Variants in SLC43A1 observed in about 807,000 individuals in gnomAD.
SLC43A1 encodes solute carrier family 43 member 1, also known as large neutral amino acids transporter small subunit 3.
In SLC43A1, 31 loss-of-function variants were observed where a neutral mutation model predicts 59.5. That is an observed-to-expected ratio of 0.52 (90% CI 0.39 to 0.70). The LOEUF is 0.70. SLC43A1 is among the 30% of genes least tolerant of loss of function. The pLI is 0.00. For missense variants in SLC43A1, 598 were observed against 717.8 expected (o/e 0.83, Z 1.91); for synonymous variants, 259 against 290.9 (o/e 0.89, Z 1.12).
At chr11:57,509,729 G>A (rs1178042097) in intron 2 of SLC43A1, among the ~76,000 whole-genome samples, 1 of 150,510 alleles carries the variant, frequency 6.6e-6, no homozygotes, top group Non-Finnish European at 1.5e-5. Context: ...AAAGAAGGAA[G>A]GAAGGAAGGA....
intron 6 of SLC43A1, 85 bp from the exon 7 acceptor site, chr11:57,496,249 A>G: frequency 2.7e-6 from 4 of 1,489,518 alleles, no homozygotes; most frequent in Non-Finnish European, 3.6e-6. Context: ...AGAGGCCTTA[A>G]AGAAGTTCTC....
intron 7 of SLC43A1, among the ~76,000 whole-genome samples, chr11:57,495,824 T>TAAAC (rs1014196952): frequency 1.3e-5 from 2 of 150,952 alleles, no homozygotes; most frequent in East Asian, 2.0e-4. Flanking sequence ...ACACTGCCTC[T>TAAAC]AAACAAACAA....
Position 57,501,276 on chromosome 11 carries a change from C to T in SLC43A1, c.208G>A (p.Asp70Asn). Residue 70 changes from aspartate to asparagine, a missense_variant, in exon 3 of 15, where the codon GAC (aspartate) becomes AAC (asparagine). Coordinates refer to ENST00000278426, the MANE Select transcript of SLC43A1 (RefSeq NM_003627.6). ...QDEQRRWPGC[D>N]QQDEMLNLGF... ...AGGTTGAGCATCTCGTCCTGCTGGT[C>T]ACAGCCTGGCCACCTGCGCTGCTCA... is the stretch of plus-strand genomic sequence containing the variant. 1 of 1,612,086 alleles carries T rather than the reference C, an allele frequency of 6.2e-7. No individual in the cohort carries two copies. Among genetic ancestry groups the T allele is most frequent in the Non-Finnish European group, 8.5e-7 (1 of 1,180,028 alleles).
At chr11:57,501,420 A>G (rs1590768263) in intron 2 of SLC43A1, 91 bp from the exon 3 acceptor site, 2 of 1,380,082 alleles carry the variant, frequency 1.4e-6, no homozygotes, top group South Asian at 1.2e-5. Flanking sequence ...CCTGCTTTCA[A>G]ATCCCATGCC....
intron 8 of SLC43A1, among the ~76,000 whole-genome samples, chr11:57,492,567 TATATATAAAA>T (rs1401978814): frequency 8.2e-5 from 2 of 24,258 alleles, no homozygotes; most frequent in South Asian, 1.3e-3. Flanking sequence ...TATATATATA[TATATATAAAA>T]AAATAAGCCA....
At chr11:57,512,301 C>A (rs1230120174) in intron 2 of SLC43A1, among the ~76,000 whole-genome samples, 1 of 152,014 alleles carries the variant, frequency 6.6e-6, no homozygotes, top group African/African-American at 2.4e-5. Context: ...AGAAGTTACA[C>A]AAGGGGTAGG....
chr11:57,491,910 CCT>C (rs1169590118), intron 8 of SLC43A1, 48 bp from the exon 9 acceptor site: 2 of 1,588,380 alleles, frequency 1.3e-6, no homozygotes, highest in Non-Finnish European at 1.7e-6. Flanking sequence ...CTTCCACTGC[CCT>C]CTGATTGTCC....
chr11:57,497,759 T>A lies in SLC43A1; in HGVS notation c.552A>T (p.Gly184=). The A allele has an allele frequency of 6.2e-7, 1 of 1,612,990 alleles. No homozygotes were observed. The highest frequency in any genetic ancestry group is 8.5e-7 in the Non-Finnish European group (1 of 1,179,278). Residue 184 remains glycine, a synonymous_variant, in exon 6 of 15, where the codon GGA becomes GGT. Coordinates refer to ENST00000278426, the MANE Select transcript of SLC43A1 (RefSeq NM_003627.6). ...SYASSAITFP[G]IKLIYDAGVA... is the part of the protein sequence containing the mutation. ...AACCCAGGTGGCCTCATACCTTGAT[T>A]CCTGGGAACGTAATGGCAGAAGAGG...
At chr11:57,500,636 C>G in intron 5 of SLC43A1, 143 bp downstream of exon 5, 1 of 727,602 alleles carries the variant, frequency 1.4e-6, no homozygotes, top group Non-Finnish European at 2.4e-6. Flanking sequence ...GCCACCTGCA[C>G]AGTTTCTCAC....
At chr11:57,512,130 T>C (rs1944563944) in intron 2 of SLC43A1, among the ~76,000 whole-genome samples, 1 of 152,210 alleles carries the variant, frequency 6.6e-6, no homozygotes, top group Non-Finnish European at 1.5e-5. Flanking sequence ...GGTGGAGGGA[T>C]GAGCCCTCTA....
At chr11:57,489,643 A>G (rs1164832081) in intron 11 of SLC43A1, among the ~76,000 whole-genome samples, 1 of 152,210 alleles carries the variant, frequency 6.6e-6, no homozygotes, top group Non-Finnish European at 1.5e-5. Context: ...CACAGGCCTC[A>G]TCTCGGCCCT....
chr11:57,498,464 A>AAAAG (rs757366618), intron 5 of SLC43A1, among the ~76,000 whole-genome samples: 2 of 152,198 alleles, frequency 1.3e-5, no homozygotes, highest in Non-Finnish European at 2.9e-5. Context: ...AAAAGAAAAG[A>AAAAG]AAAGAAAGAA....
chr11:57,485,006 C>A lies in SLC43A1; in HGVS notation c.*90G>T. On this transcript the variant is annotated 3_prime_UTR_variant, in exon 15 of 15. Coordinates refer to ENST00000278426, the MANE Select transcript of SLC43A1 (RefSeq NM_003627.6). ...AAATCTACGGCCATGGCTCTATGTG[C>A]ATGTTACAGGTAGAAAAGCCATATG... 7.3e-7 allele frequency: 1 copy of A among 1,367,722 alleles called. No individual in the cohort carries two copies. Among genetic ancestry groups the A allele is most frequent in the South Asian group, 1.5e-5 (1 of 68,170 alleles). 84.7% of individuals were successfully genotyped at this position (1,367,722 alleles called of 1,614,324 possible).
intron 6 of SLC43A1, among the ~76,000 whole-genome samples, chr11:57,497,432 G>A (rs952033329): frequency 4.6e-5 from 7 of 152,234 alleles, no homozygotes; most frequent in South Asian, 2.1e-4. Flanking sequence ...GACCTTGAAC[G>A]CATGTGAAGG....
At chr11:57,492,532 T>TTG (rs1319723545) in intron 8 of SLC43A1, among the ~76,000 whole-genome samples, 4 of 96,302 alleles carry the variant, frequency 4.2e-5, no homozygotes, top group African/African-American at 1.3e-4. Flanking sequence ...ATATATAATT[T>TTG]TGTGTATATA....
At chr11:57,485,529 A>T (rs749433946) in intron 14 of SLC43A1, among the ~76,000 whole-genome samples, 18 of 152,138 alleles carry the variant, frequency 1.2e-4, no homozygotes, top group Non-Finnish European at 2.1e-4. Context: ...GCACTGTAGG[A>T]GTCTGGGCTG....
At position 57,503,796 on chromosome 11, in the gene SLC43A1, T is replaced by A. The variant is rs181086638; in HGVS notation, c.155-2467A>T. ...AGTTGCCCCCACCCATGTTTTGCTC[T>A]GCTGGCAATGTTGACCCTTATAGTG... is the stretch of plus-strand genomic sequence containing the variant. On this transcript the variant is annotated intron_variant, in intron 2 of 14. Coordinates refer to ENST00000278426, the MANE Select transcript of SLC43A1 (RefSeq NM_003627.6). Among the ~76,000 whole-genome samples the A allele has an allele frequency of 5.5e-3, 840 of 152,326 alleles. 10 individuals are homozygous for A. Among genetic ancestry groups the A allele is most frequent in the African/African-American group, 0.019 (786 of 41,574 alleles).
chr11:57,502,698 T>C (rs1374617399), intron 2 of SLC43A1, among the ~76,000 whole-genome samples: 1 of 152,004 alleles, frequency 6.6e-6, no homozygotes, highest in African/African-American at 2.4e-5. Flanking sequence ...TTGGGAAACC[T>C]TGTCTTTACA....
In SLC43A1 at chr11:57,515,013, CG is replaced by C; in HGVS notation, c.-14+430del. 1.0e-6 allele frequency: 1 copy of C among 984,050 alleles called. No individual in the cohort carries two copies. Among genetic ancestry groups the C allele is most frequent in the Non-Finnish European group, 1.2e-6 (1 of 829,190 alleles). The allele number at this position is 984,050 out of a possible 1,614,324, so 61.0% of individuals were successfully genotyped here. A position where few individuals can be genotyped will look rare whatever the true frequency, so the allele number is the denominator to read the frequency against. ...GGGAGGAGAGGGAACGCGGGCGGCG[CG>C]GGGGCGGGGAGCGACAACTGGGATG... On this transcript the variant is annotated intron_variant, in intron 1 of 14. Transcript: ENST00000278426. This position sits in a 1 kb window ranked among gnomAD's most constrained non-coding sequence, Gnocchi z 5.3.
Sources: gnomAD v4.1 joint callset for allele counts (sites outside exome capture counted in the v4.1 genomes callset) on GRCh38, gnomAD v4.1.1 for gene constraint, Gnocchi (gnomAD v3.1) non-coding constraint, MANE v1.5 for transcripts, NCBI Gene and HGNC (gene_info 2026-07-23, HGNC 2026-07-21) for gene names.